CA13: variants seen among roughly 807,000 people sequenced by gnomAD.
The protein encoded by CA13 is CA-XIII.
CA13 carries 21 observed loss-of-function variants against 31.5 expected under a neutral mutation model. The observed-to-expected ratio is 0.67, with a 90% CI of 0.47 to 0.96. The LOEUF is 0.96. Among genes scored for constraint, CA13 ranks in the 40% least tolerant of loss-of-function variants. CA13 has a pLI of 0.00. For synonymous variants in CA13, 117 were observed against 111.4 expected (o/e 1.05, Z -0.32); for missense variants, 315 against 318.9 (o/e 0.99, Z 0.09).
chr8:85,270,329 G>T lies in CA13; in HGVS notation c.669+1702G>T, dbSNP rs1807512597. On this transcript the variant is annotated intron_variant, in intron 6 of 6. Coordinates refer to ENST00000321764, the MANE Select transcript of CA13 (RefSeq NM_198584.3). ...AGGCAGCATTTCCCCTTGGGGCATT[G>T]AACACATCCTTCCTTCTGTTGGGTG... Among the ~76,000 whole-genome samples the T allele has an allele frequency of 2.6e-5, 4 of 152,160 alleles. 1 individual carries two copies. In the South Asian group the frequency reaches 8.3e-4, roughly 32 times the overall value.
chr8:85,246,219 C>A, intron 1 of CA13: 1 of 476,248 alleles, frequency 2.1e-6, no homozygotes, highest in Non-Finnish European at 4.0e-6. Flanking sequence ...AGTCTGATGA[C>A]ACACTTCAGT....
In CA13 at chr8:85,276,162, G is replaced by A. The variant is rs559644849; in HGVS notation, c.670-5068G>A. ...CGGTGGGTCCCGCACTCGGAGCGGC[G>A]GGCCGGCCCCGCGGACCCCGGGCAG... On this transcript the variant is annotated intron_variant, in intron 6 of 6. Transcript: ENST00000321764. 2.7e-4 allele frequency among the ~76,000 whole-genome samples: 41 copies of A among 152,258 alleles called. No individual in the cohort carries two copies. The South Asian group carries it at 6.6e-3, about 25-fold the overall frequency.
chr8:85,248,497 C>G (rs770204227), intron 1 of CA13, among the ~76,000 whole-genome samples: 35 of 150,642 alleles, frequency 2.3e-4, no homozygotes, highest in Non-Finnish European at 4.9e-4. Context: ...TGGTGGCTTG[C>G]ACCTGTAATC....
In CA13 at chr8:85,267,217, G is replaced by A. The variant is rs1052880525; in HGVS notation, c.450+514G>A. 3.0e-5 allele frequency: 30 copies of A among 988,120 alleles called. No homozygotes were observed. In the South Asian group the frequency reaches 3.2e-4, roughly 11 times the overall value. The allele number at this position is 988,120 out of a possible 1,614,324, so 61.2% of individuals were successfully genotyped here. A position where few individuals can be genotyped will look rare whatever the true frequency, so the allele number is the denominator to read the frequency against. ...TCCCTCTGCCTCCACATTCTTGTAG[G>A]TGTGCCCCTTTGTCACACCCCATAC... On this transcript the variant is annotated intron_variant, in intron 4 of 6. Coordinates refer to ENST00000321764, the MANE Select transcript of CA13 (RefSeq NM_198584.3).
chr8:85,277,057 C>G (rs558761437), intron 6 of CA13, among the ~76,000 whole-genome samples: 8 of 152,280 alleles, frequency 5.3e-5, no homozygotes, highest in South Asian at 2.1e-4. Flanking sequence ...ATAGACCACT[C>G]GGCTCTCTGT....
intron 3 of CA13, among the ~76,000 whole-genome samples, chr8:85,265,038 C>A (rs1291314897): frequency 1.3e-5 from 2 of 152,134 alleles, no homozygotes; most frequent in African/African-American, 4.8e-5. Context: ...TATAAATTTC[C>A]TGTAAGACAT....
chr8:85,271,347 T>C (rs1458426958), intron 6 of CA13, among the ~76,000 whole-genome samples: 1 of 152,234 alleles, frequency 6.6e-6, no homozygotes, highest in African/African-American at 2.4e-5. Flanking sequence ...TCCTAGGGTT[T>C]TCTCCACAAT....
chr8:85,275,775 C>T (rs932472137), intron 6 of CA13, among the ~76,000 whole-genome samples: 2 of 152,214 alleles, frequency 1.3e-5, no homozygotes, highest in African/African-American at 4.8e-5. Context: ...AACTTTTCCC[C>T]GATTCAACAC....
intron 4 of CA13, chr8:85,267,166 C>T: frequency 1.3e-6 from 1 of 742,354 alleles, no homozygotes. Context: ...TGTCATCATA[C>T]CTGGGAACAG....
intron 6 of CA13, among the ~76,000 whole-genome samples, chr8:85,275,256 A>G (rs1807585683): frequency 6.6e-6 from 1 of 152,174 alleles, no homozygotes; most frequent in African/African-American, 2.4e-5. Flanking sequence ...GTTTGGTGAC[A>G]GGGGCTTTCA....
rs1283059742 is a variant in CA13, at chr8:85,282,165, A to G, written c.*816A>G. 6.6e-6 allele frequency: 1 copy of G among 152,270 alleles called. No homozygotes were observed. Among genetic ancestry groups the G allele is most frequent in the Non-Finnish European group, 1.5e-5 (1 of 68,032 alleles). The allele number at this position is 152,270 out of a possible 1,614,324, so 9.4% of individuals were successfully genotyped here. A position where few individuals can be genotyped will look rare whatever the true frequency, so the allele number is the denominator to read the frequency against. ...AATTTTTGCAGTGATTATATTGCTA[A>G]CTCTCATTGCATGATACCTTTAATA... On this transcript the variant is annotated 3_prime_UTR_variant, in exon 7 of 7. Transcript: ENST00000321764.
At position 85,280,003 on chromosome 8, in the gene CA13, C is replaced by T. The variant is rs565875183; in HGVS notation, c.670-1227C>T. Among the ~76,000 whole-genome samples the T allele has an allele frequency of 5.3e-5, 8 of 152,160 alleles. No homozygotes were observed. The South Asian group carries it at 1.5e-3, about 28-fold the overall frequency. ...AAAAAAACAAAAACCTCAAAATGGC[C>T]GGGTGCAGTGGCTCCCGCCTGTAAT... On this transcript the variant is annotated intron_variant, in intron 6 of 6. Coordinates refer to ENST00000321764, the MANE Select transcript of CA13 (RefSeq NM_198584.3).
rs552326212 is a variant in CA13, at chr8:85,277,024, G to A, written c.670-4206G>A. On this transcript the variant is annotated intron_variant, in intron 6 of 6. Coordinates refer to ENST00000321764, the MANE Select transcript of CA13 (RefSeq NM_198584.3). ...TGTGTCTAGCTCAGGGATTGTAAAC[G>A]CACCAATCAGCGCCCTGTCAAAATA... is the stretch of plus-strand genomic sequence containing the variant. Among the ~76,000 whole-genome samples, 5 of 152,238 alleles carry A rather than the reference G, an allele frequency of 3.3e-5. No homozygotes were observed. The South Asian group carries it at 8.3e-4, about 25-fold the overall frequency.
rs1456680801 is a variant in CA13, at chr8:85,268,512, T to C, written c.554T>C (p.Leu185Pro). 1.9e-6 allele frequency: 3 copies of C among 1,614,046 alleles called. No homozygotes were observed. The African/African-American group carries it at 4.0e-5, about 22-fold the overall frequency. ...TRFTNFDLLSLLPPSWDYWTY... is the reference protein window; with the variant it reads ...TRFTNFDLLSPLPPSWDYWTY... The stretch of plus-strand genomic sequence containing the variant: ...TTCACAAATTTTGACCTATTGTCTC[T>C]GCTTCCACCATCCTGGGACTACTGG... Residue 185 changes from leucine (L) to proline (P), a missense_variant, in exon 6 of 7, where the codon CTG (leucine) becomes CCG (proline). Coordinates refer to ENST00000321764, the MANE Select transcript of CA13 (RefSeq NM_198584.3).
At chr8:85,277,074 G>A (rs1265178804) in intron 6 of CA13, among the ~76,000 whole-genome samples, 1 of 152,160 alleles carries the variant, frequency 6.6e-6, no homozygotes, top group Non-Finnish European at 1.5e-5. Context: ...CTGTAAAATG[G>A]ACCAATCAGC....
intron 6 of CA13, among the ~76,000 whole-genome samples, chr8:85,277,904 C>T (rs201223358): frequency 3.9e-5 from 6 of 152,242 alleles, no homozygotes; most frequent in East Asian, 1.9e-4. Flanking sequence ...ATCTTGCTGA[C>T]GCACGCTGCT....
At chr8:85,251,656 G>GT (rs778079508) in intron 2 of CA13, among the ~76,000 whole-genome samples, 4 of 151,810 alleles carry the variant, frequency 2.6e-5, no homozygotes, top group Non-Finnish European at 4.4e-5. Context: ...AAAAAGTTTA[G>GT]TTTAAAAAAA....
At chr8:85,271,204 A>G (rs530342373) in intron 6 of CA13, among the ~76,000 whole-genome samples, 3 of 152,364 alleles carry the variant, frequency 2.0e-5, no homozygotes, top group Non-Finnish European at 4.4e-5. Flanking sequence ...GGGACATTCT[A>G]TAAACTAGTC....
intron 1 of CA13, 21 bp downstream of exon 1, chr8:85,245,886 C>A (rs762510778): frequency 4.0e-5 from 65 of 1,613,976 alleles, no homozygotes; most frequent in Non-Finnish European, 5.4e-5. Flanking sequence ...TTTCCTGATC[C>A]AAGGGGGGGT....
Sources: gnomAD v4.1 joint callset for allele counts (sites outside exome capture counted in the v4.1 genomes callset) on GRCh38, gnomAD v4.1.1 for gene constraint, MANE v1.5 for transcripts, NCBI Gene and HGNC (gene_info 2026-07-23, HGNC 2026-07-21) for gene names.